Variants in CAMTA1 observed in about 807,000 individuals in gnomAD.
CAMTA1 encodes calmodulin-binding transcription activator 1.
A neutral mutation model predicts 170.9 loss-of-function variants in CAMTA1; 27 were observed. The observed-to-expected ratio is 0.16, with a 90% CI of 0.12 to 0.22. The LOEUF (loss-of-function observed/expected upper bound fraction) is 0.22, where lower values mean the gene tolerates loss of function less well. CAMTA1 is among the 10% of genes least tolerant of loss of function. CAMTA1 has a pLI of 1.00. For missense variants in CAMTA1, 1,619 were observed against 2,217.2 expected, an observed-to-expected ratio of 0.73 and a Z score of 5.42; for synonymous variants, 833 against 891.5, an observed-to-expected ratio of 0.93 and a Z score of 1.17.
At chr1:6,854,212 A>G (rs942306041) in intron 3 of CAMTA1, among the ~76,000 whole-genome samples, 1 of 152,194 alleles carries the variant, frequency 6.6e-6, no homozygotes, top group Non-Finnish European at 1.5e-5. Flanking sequence ...GGGATGTCAT[A>G]GTGTCATAGT....
chr1:7,017,292 C>T (rs1474866170), intron 3 of CAMTA1, among the ~76,000 whole-genome samples: 1 of 152,148 alleles, frequency 6.6e-6, no homozygotes, highest in African/African-American at 2.4e-5. Context: ...TTTTCATTAC[C>T]TTATTTTGTA....
chr1:7,640,872 G>A (rs1353051276), intron 7 of CAMTA1, among the ~76,000 whole-genome samples: 1 of 152,204 alleles, frequency 6.6e-6, no homozygotes, highest in Non-Finnish European at 1.5e-5. Flanking sequence ...ACAGACAGGA[G>A]TGGAGGCCGG....
In CAMTA1 at chr1:7,704,574, C is replaced by T. The variant is rs1482236035; in HGVS notation, c.2914+26841C>T. Among the ~76,000 whole-genome samples, 72 of 148,734 alleles carry T rather than the reference C, an allele frequency of 4.8e-4. 1 individual carries two copies. In the East Asian group the frequency reaches 9.3e-3, roughly 19 times the overall value. On this transcript the variant is annotated intron_variant, in intron 11 of 22. Transcript: ENST00000303635. ...GTTCCGGCGCAGTCCCCGCGCCGAG[C>T]GGCTCCGCGCCCCGCACCAGCCTCT...
At chr1:7,540,301 G>A (rs543518358) in intron 6 of CAMTA1, among the ~76,000 whole-genome samples, 1 of 152,306 alleles carries the variant, frequency 6.6e-6, no homozygotes, top group East Asian at 1.9e-4. Context: ...CCAGGCTGGG[G>A]CCCAGCATTA....
intron 6 of CAMTA1, among the ~76,000 whole-genome samples, chr1:7,472,176 G>C (rs75850706): frequency 0.011 from 1,722 of 152,306 alleles, 27 homozygotes; most frequent in African/African-American, 0.039. Flanking sequence ...CCAAGCCTGT[G>C]GGGGCAAGAG....
Position 7,768,113 on chromosome 1 carries a change from TAAAAAA to T in CAMTA1, c.*1635_*1640del, listed in dbSNP as rs59402168. 2.0e-4 allele frequency: 27 copies of T among 136,282 alleles called. No individual in the cohort carries two copies. Among genetic ancestry groups the T allele is most frequent in the Admixed American group, 6.6e-4 (9 of 13,566 alleles). 8.4% of individuals were successfully genotyped at this position (136,282 alleles called of 1,614,324 possible). A position where few individuals can be genotyped will look rare whatever the true frequency, so the allele number is the denominator to read the frequency against. ...CTCCAACAAAGAACACTTAGAATGA[TAAAAAA>T]AAAAAAAAAAAACCTGACAAAAGAA... is the stretch of plus-strand genomic sequence containing the variant. On this transcript the variant is annotated 3_prime_UTR_variant, in exon 23 of 23. Transcript: ENST00000303635.
chr1:7,369,304 GA>G (rs956326808), intron 5 of CAMTA1, among the ~76,000 whole-genome samples: 3 of 152,196 alleles, frequency 2.0e-5, no homozygotes, highest in African/African-American at 7.2e-5. Flanking sequence ...CTACTTAGGG[GA>G]AGAACAGAGT....
At chr1:7,432,500 A>T (rs2092206942) in intron 5 of CAMTA1, among the ~76,000 whole-genome samples, 1 of 152,190 alleles carries the variant, frequency 6.6e-6, no homozygotes, top group South Asian at 2.1e-4. Flanking sequence ...GCAGCAGAAG[A>T]CAAGTGAGAG....
At chr1:6,826,830 G>A (rs561512727) in intron 3 of CAMTA1, among the ~76,000 whole-genome samples, 1 of 152,312 alleles carries the variant, frequency 6.6e-6, no homozygotes, top group Admixed American at 6.5e-5. Context: ...GTCTTATAAA[G>A]CTGGATGTAG....
chr1:7,709,189 A>G (rs1335214807), intron 11 of CAMTA1, among the ~76,000 whole-genome samples: 2 of 152,160 alleles, frequency 1.3e-5, no homozygotes, highest in African/African-American at 4.8e-5. Context: ...CTCCCAGATT[A>G]GATTAACAGC....
intron 6 of CAMTA1, among the ~76,000 whole-genome samples, chr1:7,583,780 G>A (rs941872183): frequency 6.6e-6 from 1 of 152,126 alleles, no homozygotes. Flanking sequence ...GAAGACACAG[G>A]GGGGTTCAAC....
chr1:7,480,976 T>C (rs1367628035), intron 6 of CAMTA1, among the ~76,000 whole-genome samples: 1 of 152,198 alleles, frequency 6.6e-6, no homozygotes, highest in Non-Finnish European at 1.5e-5. Context: ...CCTCCTGCCT[T>C]AGAGCATCGA....
At chr1:7,431,921 G>C (rs575582612) in intron 5 of CAMTA1, among the ~76,000 whole-genome samples, 1 of 152,160 alleles carries the variant, frequency 6.6e-6, no homozygotes, top group Non-Finnish European at 1.5e-5. Flanking sequence ...TGCAGCATGG[G>C]AGCCACTCAT....
chr1:7,227,802 G>A (rs1028772292), intron 4 of CAMTA1, among the ~76,000 whole-genome samples: 4 of 152,182 alleles, frequency 2.6e-5, no homozygotes, highest in African/African-American at 9.7e-5. Context: ...ATTGTATGCT[G>A]CGTGAGGACA....
Position 7,065,118 on chromosome 1 carries a change from C to T in CAMTA1, c.235-26186C>T, listed in dbSNP as rs1553234123. The stretch of plus-strand genomic sequence containing the variant: ...CTCTTTATACAGCCAAATGGGGAGG[C>T]CACATAGGCTAGCAGATCCTGGGCC... On this transcript the variant is annotated intron_variant, in intron 3 of 22. Transcript: ENST00000303635. The surrounding 1 kb of genome is among the most constrained non-coding windows in gnomAD (Gnocchi z 5.2). Among the ~76,000 whole-genome samples the T allele has an allele frequency of 1.3e-5, 2 of 152,130 alleles. No homozygotes were observed. The highest frequency in any genetic ancestry group is 4.8e-5 in the African/African-American group (2 of 41,424).
At chr1:7,120,329 A>G (rs1644568075) in intron 4 of CAMTA1, among the ~76,000 whole-genome samples, 1 of 152,202 alleles carries the variant, frequency 6.6e-6, no homozygotes, top group Non-Finnish European at 1.5e-5. Context: ...TGGCTAAGGC[A>G]GGACTGGTGT....
chr1:7,291,176 G>A (rs191735594), intron 5 of CAMTA1, among the ~76,000 whole-genome samples: 53 of 152,254 alleles, frequency 3.5e-4, no homozygotes, highest in African/African-American at 1.2e-3. Context: ...TTCACTCCAT[G>A]ACAGACACAG....
At chr1:7,134,694 C>G (rs1438463345) in intron 4 of CAMTA1, among the ~76,000 whole-genome samples, 1 of 152,130 alleles carries the variant, frequency 6.6e-6, no homozygotes, top group Non-Finnish European at 1.5e-5. Flanking sequence ...AGCTAGTAAT[C>G]CCATTACTGG....
At chr1:7,714,379 G>A (rs974805529) in intron 11 of CAMTA1, among the ~76,000 whole-genome samples, 1 of 152,244 alleles carries the variant, frequency 6.6e-6, no homozygotes, top group South Asian at 2.1e-4. Context: ...TCCGAGAGCT[G>A]TGAAGTTGGA....
Sources: allele counts gnomAD v4.1 joint callset (sites outside exome capture counted in the v4.1 genomes callset), GRCh38; gene constraint gnomAD v4.1.1; non-coding constraint Gnocchi (gnomAD v3.1); transcripts MANE v1.5; gene names NCBI Gene and HGNC (gene_info 2026-07-23, HGNC 2026-07-21).